The following CRYL1 variants were observed in gnomAD, a reference collection of about 807,000 sequenced individuals.
CRYL1 encodes the protein crystallin lambda 1.
Under a neutral mutation model 36.6 loss-of-function variants are expected in CRYL1, and 29 were observed. That is an observed-to-expected ratio of 0.79 (90% CI 0.59 to 1.08). The LOEUF (loss-of-function observed/expected upper bound fraction) is 1.08. Among genes scored for constraint, CRYL1 ranks in the 50% least tolerant of loss-of-function variants. The pLI is 0.00. For missense variants in CRYL1, 411 were observed against 407.9 expected (o/e 1.01, Z -0.06); for synonymous variants, 152 against 151.5 (o/e 1.00, Z -0.02).
rs745396995 is a variant in CRYL1 at position 20,489,390 on chromosome 13, C to G, written c.256G>C (p.Glu86Gln). ...SGCPNIQEAV[E>Q]GAMHIQECVP... Reference sequence around the variant, plus strand: ...CTCACCTGAATGTGCATGGCACCCTCTACTGCTTCTTGGATATTGGGACAA... The same window carrying G: ...CTCACCTGAATGTGCATGGCACCCTGTACTGCTTCTTGGATATTGGGACAA... Residue 86 changes from glutamate to glutamine, a missense_variant, in exon 3 of 8, where the codon GAG becomes CAG. Transcript: ENST00000298248. The G allele has an allele frequency of 6.2e-7, 1 of 1,613,388 alleles. No homozygotes were observed. Among genetic ancestry groups the G allele is most frequent in the East Asian group, 2.2e-5 (1 of 44,894 alleles).
chr13:20,432,046 A>G, intron 5 of CRYL1, 56 bp downstream of exon 5: 1 of 1,612,580 alleles, frequency 6.2e-7, no homozygotes, highest in Non-Finnish European at 8.5e-7. Flanking sequence ...TTTGAGAGGG[A>G]GGGAAGAAGG....
chr13:20,490,363 G>T (rs150932093), intron 2 of CRYL1, among the ~76,000 whole-genome samples: 192 of 152,262 alleles, frequency 1.3e-3, no homozygotes, highest in African/African-American at 4.3e-3. Flanking sequence ...CTGCACTCCA[G>T]CCTGAGCGAC....
chr13:20,482,243 C>T (rs1483339904), intron 3 of CRYL1, among the ~76,000 whole-genome samples: 1 of 152,200 alleles, frequency 6.6e-6, no homozygotes, highest in Non-Finnish European at 1.5e-5. Flanking sequence ...TCTACATAGA[C>T]AATATCCATT....
chr13:20,454,611 G>A (rs150340159), intron 3 of CRYL1, among the ~76,000 whole-genome samples: 2,507 of 152,152 alleles, frequency 0.016, 72 homozygotes, highest in African/African-American at 0.057. Context: ...AGTAGAGACG[G>A]GGTTTCACCG....
chr13:20,521,825 T>C (rs2034102526), intron 1 of CRYL1, among the ~76,000 whole-genome samples: 1 of 152,304 alleles, frequency 6.6e-6, no homozygotes, highest in African/African-American at 2.4e-5. Context: ...ACTTATTTAC[T>C]GGGTAAAAAT....
intron 4 of CRYL1, among the ~76,000 whole-genome samples, chr13:20,437,768 A>T (rs1035518571): frequency 5.9e-5 from 9 of 152,180 alleles, no homozygotes; most frequent in Admixed American, 5.9e-4. Context: ...CCCATCTGGC[A>T]ATTTAAAATT....
Position 20,463,792 on chromosome 13 carries a change from T to C in CRYL1, c.277-24038A>G, listed in dbSNP as rs552149716. Among the ~76,000 whole-genome samples the C allele has an allele frequency of 2.0e-5, 3 of 152,290 alleles. No homozygotes were observed. In the South Asian group the frequency reaches 6.2e-4, roughly 32 times the overall value. Reference sequence around the variant, plus strand: ...AATGAAAACTCAATACATTTAGAAATGTATAAAATGACACATTTTGGACAA... The same window carrying C: ...AATGAAAACTCAATACATTTAGAAACGTATAAAATGACACATTTTGGACAA... On this transcript the variant is annotated intron_variant, in intron 3 of 7. Coordinates refer to ENST00000298248, the MANE Select transcript of CRYL1 (RefSeq NM_015974.3).
intron 2 of CRYL1, among the ~76,000 whole-genome samples, chr13:20,506,948 C>G (rs916753577): frequency 6.6e-6 from 1 of 152,168 alleles, no homozygotes; most frequent in Non-Finnish European, 1.5e-5. Flanking sequence ...TGGGAGATAA[C>G]TGAATCACAG....
intron 2 of CRYL1, among the ~76,000 whole-genome samples, chr13:20,508,848 C>CAAAAAAAAAAAAAA (rs1179533995): frequency 9.6e-5 from 1 of 10,448 alleles, no homozygotes; most frequent in African/African-American, 3.2e-4. Context: ...AGCGAGACTC[C>CAAAAAAAAAAAAAA]AAAAAAAAAA....
chr13:20,494,240 T>C (rs1411749828), intron 2 of CRYL1, among the ~76,000 whole-genome samples: 1 of 152,254 alleles, frequency 6.6e-6, no homozygotes, highest in African/African-American at 2.4e-5. Context: ...TTCAGCTTAA[T>C]TGAAAGTTTT....
At chr13:20,466,085 C>G (rs1409987814) in intron 3 of CRYL1, among the ~76,000 whole-genome samples, 1 of 152,172 alleles carries the variant, frequency 6.6e-6, no homozygotes, top group Non-Finnish European at 1.5e-5. Flanking sequence ...ATGCCAACAC[C>G]ATGCTTCTTG....
intron 4 of CRYL1, among the ~76,000 whole-genome samples, chr13:20,437,691 C>G (rs2032261191): frequency 1.3e-5 from 2 of 152,076 alleles, no homozygotes; most frequent in Non-Finnish European, 2.9e-5. Flanking sequence ...CAACAGTTAC[C>G]AACTCCTGCT....
intron 5 of CRYL1, among the ~76,000 whole-genome samples, chr13:20,427,980 A>G (rs1030578129): frequency 6.6e-6 from 1 of 152,176 alleles, no homozygotes; most frequent in African/African-American, 2.4e-5. Context: ...TGAAACAGAC[A>G]ATCCAAATGG....
chr13:20,426,174 G>C (rs1003838613), intron 5 of CRYL1, among the ~76,000 whole-genome samples: 12 of 151,840 alleles, frequency 7.9e-5, no homozygotes, highest in African/African-American at 2.9e-4. Context: ...GGCTGGGTGA[G>C]CTTTTGATTT....
chr13:20,501,839 G>A (rs893617795), intron 2 of CRYL1, among the ~76,000 whole-genome samples: 26 of 152,164 alleles, frequency 1.7e-4, no homozygotes, highest in African/African-American at 1.2e-4. Flanking sequence ...GACTCCACCC[G>A]ACTCCAGCCC....
rs897998689 is a variant in CRYL1 at position 20,403,900 on chromosome 13, A to T, written c.*229T>A. ...CAGGTTATCTGCCCAGGTGGCAGGA[A>T]ATCGACAGCCCCGAGAACGCAAGTG... On this transcript the variant is annotated 3_prime_UTR_variant, in exon 8 of 8. Coordinates refer to ENST00000298248, the MANE Select transcript of CRYL1 (RefSeq NM_015974.3). 1.0e-4 allele frequency: 39 copies of T among 377,202 alleles called. No homozygotes were observed. In the Middle Eastern group the frequency reaches 2.1e-3, roughly 20 times the overall value. The allele number at this position is 377,202 out of a possible 1,614,324, so 23.4% of individuals were successfully genotyped here. A position where few individuals can be genotyped will look rare whatever the true frequency, so the allele number is the denominator to read the frequency against.
chr13:20,432,245 T>C lies in CRYL1; in HGVS notation c.490A>G (p.Thr164Ala), dbSNP rs767091503. 1.6e-5 allele frequency: 26 copies of C among 1,612,652 alleles called. No individual in the cohort carries two copies. Among genetic ancestry groups the C allele is most frequent in the Non-Finnish European group, 2.0e-5 (24 of 1,179,718 alleles). The change falls in exon 5 of 8, where the codon ACG (threonine) becomes GCG (alanine). Residue 164 changes from threonine (T) to alanine (A), a missense_variant. By Grantham distance (58) the Thr-to-Ala change is moderately conservative. Transcript: ENST00000298248. ...PLVELVPHPETAPTTVDRTHA... is the reference protein window; with the variant it reads ...PLVELVPHPEAAPTTVDRTHA... The stretch of plus-strand genomic sequence containing the variant: ...GTTCTGTCCACTGTCGTAGGGGCCG[T>C]CTCCGGGTGGGGGACCAGCTCAACC...
At chr13:20,489,826 A>C (rs1456531961) in intron 2 of CRYL1, among the ~76,000 whole-genome samples, 4 of 152,226 alleles carry the variant, frequency 2.6e-5, no homozygotes, top group Admixed American at 2.0e-4. Flanking sequence ...CAGGGTCTCC[A>C]AGAGATTTTT....
rs1270820842 is a variant in CRYL1 at position 20,404,121 on chromosome 13, C to T, written c.*8G>A. On this transcript the variant is annotated 3_prime_UTR_variant, in exon 8 of 8. Coordinates refer to ENST00000298248, the MANE Select transcript of CRYL1 (RefSeq NM_015974.3). Reference sequence around the variant, plus strand: ...AATGAGAGGAGTGGAAGCTGCATTACAAGAAATTCACTGGGGCTGCACTTG... The same window carrying T: ...AATGAGAGGAGTGGAAGCTGCATTATAAGAAATTCACTGGGGCTGCACTTG... 1 of 1,602,986 alleles carries T rather than the reference C, an allele frequency of 6.2e-7. No homozygotes were observed. Among genetic ancestry groups the T allele is most frequent in the South Asian group, 1.1e-5 (1 of 90,822 alleles).
Sources: gnomAD v4.1 joint callset for allele counts (sites outside exome capture counted in the v4.1 genomes callset) on GRCh38, gnomAD v4.1.1 for gene constraint, MANE v1.5 for transcripts, NCBI Gene and HGNC (gene_info 2026-07-23, HGNC 2026-07-21) for gene names.